OPA1: variants seen among roughly 807,000 people sequenced by gnomAD.
The protein encoded by OPA1 is OPA1 mitochondrial dynamin like GTPase, also known as dynamin-like GTPase OPA1, mitochondrial.
OPA1 carries 59 observed loss-of-function variants against 152.9 expected under a neutral mutation model. The ratio of observed to expected loss-of-function variants is 0.39; its 90% CI spans 0.31 to 0.48. OPA1 has a LOEUF of 0.48. Ranked by LOEUF, OPA1 falls within the 20% of genes least tolerant of loss-of-function variation. The probability of loss-of-function intolerance (pLI) is 0.96; values close to 1 mark genes in which losing one functional copy is unlikely to be tolerated. For missense variants in OPA1, 1,008 were observed against 1,216.8 expected (o/e 0.83, Z 2.55); for synonymous variants, 400 against 389.9 (o/e 1.03, Z -0.31).
At chr3:193,605,833 G>T (rs1444956428) in intron 1 of OPA1, among the ~76,000 whole-genome samples, 1 of 152,182 alleles carries the variant, frequency 6.6e-6, no homozygotes, top group Non-Finnish European at 1.5e-5. Context: ...GGAACCTCTG[G>T]AACTTGATTT....
intron 1 of OPA1, among the ~76,000 whole-genome samples, chr3:193,610,040 A>C (rs1727953319): frequency 6.6e-6 from 1 of 152,202 alleles, no homozygotes; most frequent in Non-Finnish European, 1.5e-5. Flanking sequence ...TCAGCTCGTC[A>C]AAGTCATTCT....
intron 29 of OPA1, among the ~76,000 whole-genome samples, chr3:193,675,338 A>AC (rs201806510): frequency 0.41 from 54,608 of 134,726 alleles, 10,756 homozygotes; most frequent in Non-Finnish European, 0.43. Flanking sequence ...AAAAAAAAAA[A>AC]AAAAAAAAAA....
At chr3:193,640,299 G>T (rs1213078212) in intron 11 of OPA1, among the ~76,000 whole-genome samples, 1 of 152,164 alleles carries the variant, frequency 6.6e-6, no homozygotes, top group African/African-American at 2.4e-5. Context: ...AATAACAAAG[G>T]AATGTGTGAA....
At position 193,648,807 on chromosome 3, in the gene OPA1, G is replaced by A; in HGVS notation, c.1948G>A (p.Glu650Lys). 6.2e-7 allele frequency: 1 copy of A among 1,603,788 alleles called. No individual in the cohort carries two copies. Among genetic ancestry groups the A allele is most frequent in the African/African-American group, 1.3e-5 (1 of 74,778 alleles). Residue 650 changes from glutamate to lysine, a missense_variant, in exon 21 of 31, where the codon GAA (glutamate) becomes AAA (lysine). Transcript: ENST00000361510. ...LRELDRNELF[E>K]KAKNEILDEV... ...TTATATTGCCTAGAATGAACTATTT[G>A]AAAAAGCTAAAAATGAAATCCTTGA...
intron 29 of OPA1, among the ~76,000 whole-genome samples, chr3:193,685,136 C>A (rs1313226631): frequency 6.6e-6 from 1 of 151,888 alleles, no homozygotes; most frequent in Non-Finnish European, 1.5e-5. Context: ...CCCATCACTA[C>A]TAAAAATACA....
chr3:193,650,601 T>C (rs969316659), intron 21 of OPA1, among the ~76,000 whole-genome samples: 2 of 152,230 alleles, frequency 1.3e-5, no homozygotes, highest in Non-Finnish European at 2.9e-5. Flanking sequence ...TTTGGTTATC[T>C]GGAAAGTGTT....
intron 28 of OPA1, 113 bp downstream of exon 28, chr3:193,666,502 A>G (rs1716568894): frequency 2.1e-6 from 2 of 941,326 alleles, no homozygotes; most frequent in African/African-American, 3.3e-5. Context: ...TTATTAGAAA[A>G]ACTGGCCAGG....
At chr3:193,683,561 A>C (rs1306238738) in intron 29 of OPA1, among the ~76,000 whole-genome samples, 1 of 152,148 alleles carries the variant, frequency 6.6e-6, no homozygotes, top group Non-Finnish European at 1.5e-5. Context: ...GAAAGGAAGA[A>C]TCAATCAGTG....
rs903736757 is a variant in OPA1 at position 193,637,818 on chromosome 3, T to A, written c.1036-134T>A. 3.9e-6 allele frequency: 3 copies of A among 759,534 alleles called. No individual in the cohort carries two copies. The African/African-American group carries it at 5.2e-5, about 13-fold the overall frequency. 47.0% of individuals were successfully genotyped at this position (759,534 alleles called of 1,614,324 possible). Reference sequence around the variant, plus strand: ...ACACATGCATCAATCACCATTTTTTTACGGATTTTAAAATATTTTTTCACC... The same window carrying A: ...ACACATGCATCAATCACCATTTTTTAACGGATTTTAAAATATTTTTTCACC... On this transcript the variant is annotated intron_variant, in intron 10 of 30. Transcript: ENST00000361510.
In OPA1 at chr3:193,633,116, T is replaced by C. The variant is rs918300964; in HGVS notation, c.843+1451T>C. Among the ~76,000 whole-genome samples the C allele has an allele frequency of 2.6e-5, 4 of 152,018 alleles. No individual in the cohort carries two copies. In the East Asian group the frequency reaches 7.7e-4, roughly 29 times the overall value. ...TCTGAGTGGCACTATATCTATGTTTTTAAGGGTTCCTAGCCAGGTGATTCC... is the reference window on the plus strand; with the variant it reads ...TCTGAGTGGCACTATATCTATGTTTCTAAGGGTTCCTAGCCAGGTGATTCC... On this transcript the variant is annotated intron_variant, in intron 8 of 30. Transcript: ENST00000361510.
rs751381604 is a variant in OPA1, at chr3:193,662,977, T to C, written c.2661+15T>C. 1 of 1,612,684 alleles carries C rather than the reference T, an allele frequency of 6.2e-7. No homozygotes were observed. Among genetic ancestry groups the C allele is most frequent in the Non-Finnish European group, 8.5e-7 (1 of 1,178,780 alleles). On this transcript the variant is annotated intron_variant, in intron 26 of 30. Coordinates refer to ENST00000361510, the MANE Select transcript of OPA1 (RefSeq NM_130837.3). ...ATCCAAGCTTGGTAATAAATACTGCTGAGAAGCAGGAATCTGCTTCCTTAA... is the reference window on the plus strand; with the variant it reads ...ATCCAAGCTTGGTAATAAATACTGCCGAGAAGCAGGAATCTGCTTCCTTAA...
chr3:193,652,037 G>A (rs1712609332), intron 21 of OPA1, among the ~76,000 whole-genome samples: 1 of 152,180 alleles, frequency 6.6e-6, no homozygotes, highest in South Asian at 2.1e-4. Context: ...ATTAGTAGAA[G>A]TTATCCCTGG....
At chr3:193,629,680 A>T (rs375122542) in intron 7 of OPA1, among the ~76,000 whole-genome samples, 1 of 152,272 alleles carries the variant, frequency 6.6e-6, no homozygotes, top group East Asian at 1.9e-4. Flanking sequence ...GAAAAAAGAA[A>T]TTATATTTGT....
chr3:193,676,171 C>T (rs549442928), intron 29 of OPA1, among the ~76,000 whole-genome samples: 1 of 152,288 alleles, frequency 6.6e-6, no homozygotes, highest in Admixed American at 6.5e-5. Flanking sequence ...CATTGGAATA[C>T]ATTCAAGTAC....
chr3:193,631,380 A>G (rs1732045213), intron 7 of OPA1, among the ~76,000 whole-genome samples: 1 of 152,216 alleles, frequency 6.6e-6, no homozygotes. Context: ...CAACAGGGAA[A>G]TGATTGCCTT....
At position 193,696,682 on chromosome 3, in the gene OPA1, CAAA is replaced by C. The variant is rs947366880; in HGVS notation, c.*2085_*2087del. 6.6e-6 allele frequency: 1 copy of C among 152,130 alleles called. No individual in the cohort carries two copies. The highest frequency in any genetic ancestry group is 2.4e-5 in the African/African-American group (1 of 41,422). 9.4% of individuals were successfully genotyped at this position (152,130 alleles called of 1,614,324 possible). On this transcript the variant is annotated 3_prime_UTR_variant, in exon 31 of 31. Coordinates refer to ENST00000361510, the MANE Select transcript of OPA1 (RefSeq NM_130837.3). ...AAGTCAGAAATGATTCTAATTTAAA[CAAA>C]AAGATACTAAATATACAGAAGTTAA...
rs1293266608 is a variant in OPA1 at position 193,694,733 on chromosome 3, C to T, written c.*133C>T. On this transcript the variant is annotated 3_prime_UTR_variant, in exon 31 of 31. Transcript: ENST00000361510. ...AATAAAGTCATGGGATAAAAATAAT[C>T]GATGTATGTTACGGGCGCTTTAACC... 6.6e-6 allele frequency: 1 copy of T among 152,184 alleles called. No individual in the cohort carries two copies. Among genetic ancestry groups the T allele is most frequent in the East Asian group, 1.9e-4 (1 of 5,206 alleles). The allele number at this position is 152,184 out of a possible 1,614,324, so 9.4% of individuals were successfully genotyped here. A position where few individuals can be genotyped will look rare whatever the true frequency, so the allele number is the denominator to read the frequency against.
intron 5 of OPA1, among the ~76,000 whole-genome samples, chr3:193,618,131 G>A (rs1729358453): frequency 6.6e-6 from 1 of 152,104 alleles, no homozygotes; most frequent in Admixed American, 6.5e-5. Context: ...TTTGATAATT[G>A]AAATGAAAAG....
chr3:193,641,404 T>C (rs36146795), intron 11 of OPA1, among the ~76,000 whole-genome samples: 65,176 of 151,870 alleles, frequency 0.43, 14,224 homozygotes, highest in Non-Finnish European at 0.43. Flanking sequence ...TTCTTTCTGC[T>C]TGGTTTCCTA....
Sources: gnomAD v4.1 joint callset for allele counts (sites outside exome capture counted in the v4.1 genomes callset) on GRCh38, gnomAD v4.1.1 for gene constraint, MANE v1.5 for transcripts, NCBI Gene and HGNC (gene_info 2026-07-23, HGNC 2026-07-21) for gene names.